Variants in ERCC8 observed in about 807,000 individuals in gnomAD.
ERCC8 encodes DNA excision repair protein ERCC-8.
ERCC8 carries 52 observed loss-of-function variants against 54.9 expected under a neutral mutation model. That is an observed-to-expected ratio of 0.95 (90% CI 0.76 to 1.19). The LOEUF (loss-of-function observed/expected upper bound fraction) is 1.19, where lower values mean the gene tolerates loss of function less well. Ranked by LOEUF, ERCC8 falls within the 50% of genes most tolerant of loss-of-function variation. The pLI is 0.00. For synonymous variants in ERCC8, 146 were observed against 157.2 expected, an observed-to-expected ratio of 0.93 and a Z score of 0.53; for missense variants, 514 against 466.1, an observed-to-expected ratio of 1.10 and a Z score of -0.95.
chr5:60,915,477 T>G (rs1374461127), intron 4 of ERCC8, among the ~76,000 whole-genome samples: 2 of 152,122 alleles, frequency 1.3e-5, no homozygotes, highest in African/African-American at 4.8e-5. Context: ...CTGTACTTAG[T>G]AAGTACCACA....
intron 3 of ERCC8, among the ~76,000 whole-genome samples, chr5:60,919,208 T>C (rs1384895643): frequency 3.3e-5 from 5 of 152,056 alleles, no homozygotes; most frequent in African/African-American, 1.2e-4. Flanking sequence ...TAAATAATTA[T>C]GAATAAACGA....
chr5:60,884,122 T>A (rs1748323514), intron 11 of ERCC8, among the ~76,000 whole-genome samples: 1 of 152,138 alleles, frequency 6.6e-6, no homozygotes, highest in South Asian at 2.1e-4. Flanking sequence ...TATAAGCTTG[T>A]CCCAGATCAT....
rs938984641 is a variant in ERCC8 at position 60,870,712 on chromosome 5, C to G, written c.*3903G>C. Among the ~76,000 whole-genome samples, 1 of 149,722 alleles carries G rather than the reference C, an allele frequency of 6.7e-6. No individual in the cohort carries two copies. Among genetic ancestry groups the G allele is most frequent in the Admixed American group, 6.7e-5 (1 of 15,010 alleles). On this transcript the variant is annotated 3_prime_UTR_variant, in exon 12 of 12. Coordinates refer to ENST00000676185, the MANE Select transcript of ERCC8 (RefSeq NM_000082.4). ...GAAACATAGAGAGGTCAGTTACATG[C>G]AATTTTTAGATAATCCAAAAAAGAA...
At chr5:60,887,895 A>C (rs1209621731) in intron 10 of ERCC8, among the ~76,000 whole-genome samples, 1 of 152,246 alleles carries the variant, frequency 6.6e-6, no homozygotes. Context: ...AAACCATATG[A>C]GCGTCTACTA....
At position 60,911,436 on chromosome 5, in the gene ERCC8, G is replaced by A. The variant is rs185366743; in HGVS notation, c.400-6563C>T. On this transcript the variant is annotated intron_variant, in intron 4 of 11. Coordinates refer to ENST00000676185, the MANE Select transcript of ERCC8 (RefSeq NM_000082.4). ...TCATATGCTTTGCCTACTTTTTGAT[G>A]GGTTTTTTTTTTTCTTGTAAATTTG... 3.9e-4 allele frequency among the ~76,000 whole-genome samples: 59 copies of A among 150,724 alleles called. No individual in the cohort carries two copies. In the East Asian group the frequency reaches 0.011, roughly 28 times the overall value.
Position 60,918,203 on chromosome 5 carries a change from G to C in ERCC8, c.399+62C>G, listed in dbSNP as rs542375605. 8.3e-4 allele frequency: 1,058 copies of C among 1,267,546 alleles called. 2 individuals are homozygous for C. Among genetic ancestry groups the C allele is most frequent in the Non-Finnish European group, 8.1e-4 (707 of 873,092 alleles). 78.5% of individuals were successfully genotyped at this position (1,267,546 alleles called of 1,614,324 possible). Reference sequence around the variant, plus strand: ...TCTCAGCAAATAATCATACTAAAATGGTTTAGGATTAAATTCTCCTTTATC... The same window carrying C: ...TCTCAGCAAATAATCATACTAAAATCGTTTAGGATTAAATTCTCCTTTATC... On this transcript the variant is annotated intron_variant, in intron 4 of 11. Transcript: ENST00000676185.
intron 3 of ERCC8, among the ~76,000 whole-genome samples, chr5:60,921,361 C>T (rs1275464148): frequency 6.6e-6 from 1 of 151,770 alleles, no homozygotes; most frequent in Non-Finnish European, 1.5e-5. Flanking sequence ...GCCCATTCTC[C>T]CTGTTAATTC....
At chr5:60,889,187 A>ATAT (rs1305612878) in intron 10 of ERCC8, among the ~76,000 whole-genome samples, 1 of 152,218 alleles carries the variant, frequency 6.6e-6, no homozygotes, top group Non-Finnish European at 1.5e-5. Context: ...GATGAAGGTG[A>ATAT]TATGTGCCAG....
chr5:60,922,238 T>C, intron 2 of ERCC8, 83 bp from the exon 3 acceptor site: 1 of 883,280 alleles, frequency 1.1e-6, no homozygotes, highest in Non-Finnish European at 1.8e-6. Flanking sequence ...TTCTAAAAAC[T>C]GATTTGCAAA....
rs1749824139 is a variant in ERCC8 at position 60,928,850 on chromosome 5, T to C, written c.173+14A>G. On this transcript the variant is annotated intron_variant, in intron 2 of 11. Transcript: ENST00000676185. ...TTAGAAAGAAAAATGATTATACAAG[T>C]ATAATAAACTTACTATCTCCCTTCA... 1.4e-6 allele frequency: 2 copies of C among 1,436,952 alleles called. No individual in the cohort carries two copies. Among genetic ancestry groups the C allele is most frequent in the Non-Finnish European group, 2.0e-6 (2 of 1,021,564 alleles). The allele number at this position is 1,436,952 out of a possible 1,614,324, so 89.0% of individuals were successfully genotyped here.
chr5:60,871,035 C>T lies in ERCC8; in HGVS notation c.*3580G>A, dbSNP rs1467602818. 2.0e-5 allele frequency among the ~76,000 whole-genome samples: 3 copies of T among 152,000 alleles called. No homozygotes were observed. The highest frequency in any genetic ancestry group is 2.9e-5 in the Non-Finnish European group (2 of 68,018). ...ATACCAGAAGCTAGAAAAAAGTGGG[C>T]ACAATATCTATAGACCAACAAAACA... On this transcript the variant is annotated 3_prime_UTR_variant, in exon 12 of 12. Transcript: ENST00000676185.
At chr5:60,876,707 G>T (rs547190085) in intron 11 of ERCC8, among the ~76,000 whole-genome samples, 3 of 152,070 alleles carry the variant, frequency 2.0e-5, no homozygotes, top group Non-Finnish European at 4.4e-5. Context: ...CATATCCTTC[G>T]TCCACTTTTT....
chr5:60,888,332 C>A (rs998474118), intron 10 of ERCC8, among the ~76,000 whole-genome samples: 1 of 152,006 alleles, frequency 6.6e-6, no homozygotes, highest in Non-Finnish European at 1.5e-5. Context: ...CTAAATAAAA[C>A]AAAATTTTGT....
intron 1 of ERCC8, among the ~76,000 whole-genome samples, chr5:60,944,376 G>C (rs1052096132): frequency 1.3e-5 from 2 of 152,106 alleles, no homozygotes; most frequent in Non-Finnish European, 2.9e-5. Context: ...AAATGCAATA[G>C]CTGTTACCTT....
chr5:60,909,164 G>A (rs572924994), intron 4 of ERCC8, among the ~76,000 whole-genome samples: 4 of 134,802 alleles, frequency 3.0e-5, no homozygotes, highest in African/African-American at 1.1e-4. Context: ...TGAGTTTCCA[G>A]ATACCATTAA....
intron 11 of ERCC8, among the ~76,000 whole-genome samples, chr5:60,879,375 T>C (rs1344397581): frequency 1.3e-5 from 2 of 152,204 alleles, no homozygotes; most frequent in East Asian, 3.8e-4. Flanking sequence ...TCTGTAGATG[T>C]CTATTAGGTC....
intron 1 of ERCC8, among the ~76,000 whole-genome samples, chr5:60,942,693 T>C (rs1408128752): frequency 1.3e-5 from 2 of 152,114 alleles, no homozygotes; most frequent in South Asian, 2.1e-4. Flanking sequence ...TTTTTTAGGG[T>C]TATGGATGTT....
At chr5:60,881,645 C>T (rs1012676464) in intron 11 of ERCC8, among the ~76,000 whole-genome samples, 16 of 151,932 alleles carry the variant, frequency 1.1e-4, no homozygotes, top group African/African-American at 2.2e-4. Flanking sequence ...CTGTGGGCGT[C>T]GGACCCTCCG....
At chr5:60,913,290 G>A (rs1417197673) in intron 4 of ERCC8, among the ~76,000 whole-genome samples, 1 of 152,062 alleles carries the variant, frequency 6.6e-6, no homozygotes, top group Non-Finnish European at 1.5e-5. Context: ...GGTCTATTCA[G>A]AGATTCAACT....
Sources: allele counts gnomAD v4.1 joint callset (sites outside exome capture counted in the v4.1 genomes callset), GRCh38; gene constraint gnomAD v4.1.1; transcripts MANE v1.5; gene names NCBI Gene and HGNC (gene_info 2026-07-23, HGNC 2026-07-21).